The following TENM2 variants were observed in gnomAD, a reference collection of about 807,000 sequenced individuals.
TENM2 encodes the protein teneurin transmembrane protein 2.
A neutral mutation model predicts 245.2 loss-of-function variants in TENM2; 52 were observed. That is an observed-to-expected ratio of 0.21 (90% CI 0.17 to 0.27). The LOEUF (loss-of-function observed/expected upper bound fraction) is 0.27, where lower values mean the gene tolerates loss of function less well. TENM2 is among the 10% of genes least tolerant of loss of function. TENM2 has a pLI of 1.00. For synonymous variants in TENM2, 1,363 were observed against 1,438.9 expected (o/e 0.95, Z 1.19); for missense variants, 3,046 against 3,666.8 (o/e 0.83, Z 4.37).
At chr5:167,201,406 G>T in the TENM2 span, among the ~76,000 whole-genome samples, 1 of 152,134 alleles carries the variant, frequency 6.6e-6, no homozygotes, top group Non-Finnish European at 1.5e-5. Flanking sequence ...AAAATGAATG[G>T]TAATAACCAG....
chr5:168,167,522 G>GTGA (rs1364767229), intron 13 of TENM2, among the ~76,000 whole-genome samples: 1 of 152,302 alleles, frequency 6.6e-6, no homozygotes, highest in East Asian at 1.9e-4. Context: ...ACCAAGGGAG[G>GTGA]TGATGTCATA....
chr5:167,381,489 A>G (rs983610815), intron 2 of TENM2, among the ~76,000 whole-genome samples: 8 of 152,202 alleles, frequency 5.3e-5, no homozygotes, highest in Non-Finnish European at 1.2e-4. Context: ...AAACATTTTT[A>G]GATTAACAAC....
intron 1 of TENM2, among the ~76,000 whole-genome samples, chr5:167,310,465 T>C (rs1053594881): frequency 2.0e-5 from 3 of 152,186 alleles, no homozygotes; most frequent in African/African-American, 4.8e-5. Context: ...ACTTGTTTTT[T>C]TCAAAAAATA....
chr5:167,339,827 A>G lies in TENM2; in HGVS notation c.227-35371A>G, dbSNP rs770973632. 9.3e-4 allele frequency among the ~76,000 whole-genome samples: 142 copies of G among 152,270 alleles called. 1 individual carries two copies. Among genetic ancestry groups the G allele is most frequent in the East Asian group, 1.2e-3 (6 of 5,170 alleles). Reference sequence around the variant, plus strand: ...TTTTTTATCCCTCTCACTTCCCATGATGTGAGGGCACAAGCAACACTTCCC... The same window carrying G: ...TTTTTTATCCCTCTCACTTCCCATGGTGTGAGGGCACAAGCAACACTTCCC... On this transcript the variant is annotated intron_variant, in intron 1 of 28. Coordinates refer to ENST00000518659, the Ensembl canonical transcript of TENM2.
chr5:167,002,263 C>A, the TENM2 span, among the ~76,000 whole-genome samples: 1 of 152,096 alleles, frequency 6.6e-6, no homozygotes, highest in Non-Finnish European at 1.5e-5. Context: ...GTTATATTGC[C>A]TAAATGAAAC....
chr5:167,162,808 T>C, the TENM2 span, among the ~76,000 whole-genome samples: 3 of 152,166 alleles, frequency 2.0e-5, no homozygotes, highest in African/African-American at 4.8e-5. Context: ...TGCGTAACTA[T>C]GTGAGAGGAA....
chr5:167,421,648 C>G (rs1763513028), intron 2 of TENM2, among the ~76,000 whole-genome samples: 1 of 152,160 alleles, frequency 6.6e-6, no homozygotes, highest in Non-Finnish European at 1.5e-5. Flanking sequence ...GCTCTGTGGA[C>G]TCCTAGATAG....
intron 2 of TENM2, among the ~76,000 whole-genome samples, chr5:167,626,984 A>G (rs1281348975): frequency 6.6e-6 from 1 of 152,168 alleles, no homozygotes; most frequent in Non-Finnish European, 1.5e-5. Flanking sequence ...TTTTACCCAG[A>G]GGCTTTCCAT....
intron 8 of TENM2, 86 bp downstream of exon 10, chr5:168,090,855 GTA>G (rs1792881002): frequency 7.9e-7 from 1 of 1,268,618 alleles, no homozygotes; most frequent in Admixed American, 1.9e-5. Flanking sequence ...ATCTTCTAAG[GTA>G]GTTTCTACTA....
intron 2 of TENM2, chr5:167,653,820 T>G (rs1754646045): frequency 6.6e-6 from 1 of 152,238 alleles, no homozygotes; most frequent in African/African-American, 2.4e-5. Flanking sequence ...TGAGGGCTTT[T>G]GAAGAAACCA....
chr5:167,773,127 T>C (rs1008227271), intron 2 of TENM2, among the ~76,000 whole-genome samples: 2 of 152,234 alleles, frequency 1.3e-5, no homozygotes, highest in African/African-American at 4.8e-5. Context: ...TGTGTGTGTG[T>C]GTGCTCCATG....
intron 23 of TENM2, among the ~76,000 whole-genome samples, chr5:168,223,299 C>T (rs1026967464): frequency 1.3e-5 from 2 of 152,128 alleles, no homozygotes; most frequent in Non-Finnish European, 2.9e-5. Context: ...AATTAAAATC[C>T]TTGCCCTGGT....
At chr5:168,116,351 A>C (rs1795081654) in intron 9 of TENM2, among the ~76,000 whole-genome samples, 1 of 152,172 alleles carries the variant, frequency 6.6e-6, no homozygotes, top group Non-Finnish European at 1.5e-5. Flanking sequence ...CAACTGTCCT[A>C]TTATAAAGCA....
intron 12 of TENM2, among the ~76,000 whole-genome samples, chr5:168,157,277 G>A (rs1757267295): frequency 6.6e-6 from 1 of 152,276 alleles, no homozygotes; most frequent in Non-Finnish European, 1.5e-5. Flanking sequence ...AGCCTAAAGT[G>A]ATATTGAGAT....
rs1769113806 is a variant in TENM2, at chr5:167,837,554, C to G, written c.503-38432C>G. Among the ~76,000 whole-genome samples, 3 of 152,140 alleles carry G rather than the reference C, an allele frequency of 2.0e-5. No homozygotes were observed. The South Asian group carries it at 6.2e-4, about 32-fold the overall frequency. ...GTTACATTAATTTGACCAAAAGATG[C>G]TGACAAACATTTTTATGTATTAAGG... On this transcript the variant is annotated intron_variant, in intron 2 of 28. Transcript: ENST00000518659.
chr5:166,979,706 C>T, the TENM2 span, among the ~76,000 whole-genome samples: 2,888 of 151,162 alleles, frequency 0.019, 27 homozygotes, highest in Non-Finnish European at 0.031. Context: ...ATTTTTTTTT[C>T]CTCCTTCATC....
chr5:168,258,782 G>A (rs1767919877), intron 27 of TENM2, among the ~76,000 whole-genome samples: 1 of 152,180 alleles, frequency 6.6e-6, no homozygotes, highest in Admixed American at 6.5e-5. Context: ...AAAATGTTCT[G>A]AAATTAGTAA....
Position 168,090,481 on chromosome 5 carries a change from C to T in TENM2, c.1516-93C>T, listed in dbSNP as rs544537830. The stretch of plus-strand genomic sequence containing the variant: ...AAAATGTGCTACAAAAAAGGTCTTT[C>T]TCCATTAACAAATGGGTTCGGGGGG... On this transcript the variant is annotated intron_variant, in intron 7 of 28. Coordinates refer to ENST00000518659, the Ensembl canonical transcript of TENM2. The T allele has an allele frequency of 7.2e-5, 82 of 1,143,830 alleles. No individual in the cohort carries two copies. The South Asian group carries it at 1.0e-3, about 14-fold the overall frequency. 70.9% of individuals were successfully genotyped at this position (1,143,830 alleles called of 1,614,324 possible). A position where few individuals can be genotyped will look rare whatever the true frequency, so the allele number is the denominator to read the frequency against.
At chr5:167,196,175 C>T in the TENM2 span, among the ~76,000 whole-genome samples, 3 of 151,874 alleles carry the variant, frequency 2.0e-5, no homozygotes, top group South Asian at 4.2e-4. Flanking sequence ...ATAGTATAGG[C>T]AATTGTAATA....
Sources: allele counts gnomAD v4.1 joint callset (sites outside exome capture counted in the v4.1 genomes callset), GRCh38; gene constraint gnomAD v4.1.1; transcripts MANE v1.5; gene names NCBI Gene and HGNC (gene_info 2026-07-23, HGNC 2026-07-21).